The following AHCTF1 variants were observed in gnomAD, a reference collection of about 807,000 sequenced individuals.
AHCTF1 encodes AT-hook containing transcription factor 1, also known as protein ELYS.
In AHCTF1, 24 loss-of-function variants were observed where a neutral mutation model predicts 248.4. The ratio of observed to expected loss-of-function variants is 0.10; its 90% CI spans 0.07 to 0.14. AHCTF1 has a LOEUF of 0.14. AHCTF1 is among the 10% of genes least tolerant of loss of function. AHCTF1 has a pLI of 1.00. For synonymous variants in AHCTF1, 786 were observed against 929.8 expected (o/e 0.85, Z 2.81); for missense variants, 2,206 against 2,636.2 (o/e 0.84, Z 3.57).
chr1:246,916,474 A>T, intron 2 of AHCTF1, 79 bp from the exon 3 acceptor site: 4 of 1,265,538 alleles, frequency 3.2e-6, no homozygotes, highest in Non-Finnish European at 4.4e-6. Flanking sequence ...TTTACATACA[A>T]CTATATGTTC....
At chr1:246,906,393 C>T (rs1665393361) in intron 5 of AHCTF1, among the ~76,000 whole-genome samples, 3 of 151,518 alleles carry the variant, frequency 2.0e-5, no homozygotes, top group Admixed American at 1.3e-4. Context: ...GTCTGACCAA[C>T]AAGGTGAAAA....
intron 2 of AHCTF1, 62 bp from the exon 3 acceptor site, chr1:246,916,457 T>G: frequency 7.0e-7 from 1 of 1,427,296 alleles, no homozygotes; most frequent in Non-Finnish European, 9.6e-7. Flanking sequence ...CAATAACGGT[T>G]AGCTCATTTA....
At chr1:246,892,432 T>C (rs1461063520) in intron 14 of AHCTF1, among the ~76,000 whole-genome samples, 3 of 148,670 alleles carry the variant, frequency 2.0e-5, no homozygotes, top group African/African-American at 5.0e-5. Flanking sequence ...GGGATTCTCC[T>C]GCCTCAGGCT....
At chr1:246,904,581 G>A (rs1558265366) in intron 6 of AHCTF1, among the ~76,000 whole-genome samples, 1 of 152,174 alleles carries the variant, frequency 6.6e-6, no homozygotes, top group Non-Finnish European at 1.5e-5. Context: ...AAGGAGAACG[G>A]GCAGTTGGGG....
chr1:246,852,775 TG>T (rs1660807645), intron 32 of AHCTF1, among the ~76,000 whole-genome samples: 1 of 152,114 alleles, frequency 6.6e-6, no homozygotes, highest in Non-Finnish European at 1.5e-5. Context: ...ATTTTTTCCC[TG>T]AGACAGGATT....
At position 246,849,737 on chromosome 1, in the gene AHCTF1, A is replaced by G; in HGVS notation, c.6269T>C (p.Phe2090Ser). ...CCTGCTGCTGCGGGATGATTTAGTG[A>G]AGGAAGCTGTGGCGAGCAATCTTTC... ...QEERLLATAS[F>S]TKSSRSSRTR... is the part of the protein sequence containing the mutation. Residue 2090 changes from phenylalanine to serine, a missense_variant, in exon 33 of 36, where the codon TTC becomes TCC. Around this residue, in one of 6 missense-constraint regions of AHCTF1, gnomAD observed 469 missense variants for 470.0 expected, o/e 1.00. Coordinates refer to ENST00000648844, the MANE Select transcript of AHCTF1 (RefSeq NM_001323342.2). 1 of 1,613,952 alleles carries G rather than the reference A, an allele frequency of 6.2e-7. No individual in the cohort carries two copies. The highest frequency in any genetic ancestry group is 8.5e-7 in the Non-Finnish European group (1 of 1,179,856).
rs377630628 is a variant in AHCTF1 at position 246,919,557 on chromosome 1, C to T, written c.-7-1180G>A. Among the ~76,000 whole-genome samples the T allele has an allele frequency of 1.6e-3, 238 of 151,982 alleles. 1 individual carries two copies. The highest frequency in any genetic ancestry group is 5.2e-3 in the African/African-American group (216 of 41,464). ...TGAAAACCCGTCTCTACTAAAAATA[C>T]AAAAAATTAGCCAGGCATGGTGGCA... is the stretch of plus-strand genomic sequence containing the variant. On this transcript the variant is annotated intron_variant, in intron 1 of 35. Coordinates refer to ENST00000648844, the MANE Select transcript of AHCTF1 (RefSeq NM_001323342.2).
chr1:246,921,943 A>G (rs1335897738), intron 1 of AHCTF1, among the ~76,000 whole-genome samples: 1 of 152,220 alleles, frequency 6.6e-6, no homozygotes, highest in Non-Finnish European at 1.5e-5. Context: ...AAATCTAAAC[A>G]CTGACTACAC....
rs1211083487 is a variant in AHCTF1, at chr1:246,841,955, AT to A, written c.6608+738del. On this transcript the variant is annotated intron_variant, in intron 35 of 35. Transcript: ENST00000648844. ...AGGCACCCACCACCACGCCCAGCTA[AT>A]TTTTTTTTTTTTTTTTTTCAGTAGA... 1.6e-3 allele frequency among the ~76,000 whole-genome samples: 193 copies of A among 124,250 alleles called. 1 individual carries two copies. The highest frequency in any genetic ancestry group is 4.1e-3 in the Middle Eastern group (1 of 246). The allele number at this position is 124,250 out of a possible 152,430, so 81.5% of individuals were successfully genotyped here. A position where few individuals can be genotyped will look rare whatever the true frequency, so the allele number is the denominator to read the frequency against.
intron 21 of AHCTF1, among the ~76,000 whole-genome samples, chr1:246,879,476 ATT>A (rs1244554314): frequency 7.9e-5 from 12 of 152,192 alleles, no homozygotes; most frequent in African/African-American, 2.7e-4. Context: ...TCATCATAGC[ATT>A]GTTTAAAATG....
chr1:246,891,173 T>A, intron 15 of AHCTF1, 113 bp from the exon 16 acceptor site: 2 of 596,684 alleles, frequency 3.4e-6, no homozygotes, highest in Non-Finnish European at 5.6e-6. Context: ...ATATTTTACA[T>A]ATACATATTT....
intron 35 of AHCTF1, among the ~76,000 whole-genome samples, chr1:246,841,672 T>C (rs1183641320): frequency 6.6e-6 from 1 of 152,234 alleles, no homozygotes; most frequent in Non-Finnish European, 1.5e-5. Context: ...GTTACCTAAC[T>C]TTCCTGACAA....
intron 34 of AHCTF1, 139 bp downstream of exon 34, chr1:246,843,654 CTG>C: frequency 2.6e-6 from 2 of 760,886 alleles, no homozygotes; most frequent in Non-Finnish European, 3.4e-6. Flanking sequence ...GTATGCATGA[CTG>C]TTATCTTTAA....
intron 21 of AHCTF1, among the ~76,000 whole-genome samples, chr1:246,881,608 G>A (rs1032436353): frequency 2.0e-5 from 3 of 152,020 alleles, no homozygotes; most frequent in South Asian, 2.1e-4. Flanking sequence ...AGGCCGAGGC[G>A]GGCGGATCAC....
intron 35 of AHCTF1, 65 bp downstream of exon 35, chr1:246,842,629 G>A: frequency 1.7e-6 from 2 of 1,210,908 alleles, no homozygotes; most frequent in South Asian, 3.2e-5. Context: ...GAGGATAGTA[G>A]GGTGGGGACA....
At chr1:246,892,144 A>G (rs61854021) in intron 14 of AHCTF1, among the ~76,000 whole-genome samples, 42,742 of 151,930 alleles carry the variant, frequency 0.28, 6,144 homozygotes, top group East Asian at 0.36. Flanking sequence ...CAAATCATCT[A>G]TATCTAGAGC....
At chr1:246,871,741 T>C (rs370684422) in intron 24 of AHCTF1, among the ~76,000 whole-genome samples, 2 of 151,896 alleles carry the variant, frequency 1.3e-5, no homozygotes, top group African/African-American at 2.4e-5. Flanking sequence ...CTGCAGACTA[T>C]AAGGAGGTTA....
At position 246,890,032 on chromosome 1, in the gene AHCTF1, C is replaced by T; in HGVS notation, c.2078G>A (p.Cys693Tyr). 6.2e-7 allele frequency: 1 copy of T among 1,612,598 alleles called. No homozygotes were observed. The highest frequency in any genetic ancestry group is 8.5e-7 in the Non-Finnish European group (1 of 1,179,144). The change falls in exon 17 of 36, where the codon TGC becomes TAC. Residue 693 changes from cysteine (C) to tyrosine (Y), a missense_variant. Around this residue, in one of 6 missense-constraint regions of AHCTF1, gnomAD observed 650 missense variants for 870.8 expected, o/e 0.75. Coordinates refer to ENST00000648844, the MANE Select transcript of AHCTF1 (RefSeq NM_001323342.2). The part of the protein sequence containing the change: ...IDDSVQLSRL[C>Y]YNYPVIQNYY... Reference sequence around the variant, plus strand: ...GTTCTGAATTACAGGGTAGTTGTAGCATAACCTTGACAACTGCACAGAATC... The same window carrying T: ...GTTCTGAATTACAGGGTAGTTGTAGTATAACCTTGACAACTGCACAGAATC...
At chr1:246,870,724 A>C (rs747316822) in intron 24 of AHCTF1, among the ~76,000 whole-genome samples, 28 of 27,304 alleles carry the variant, frequency 1.0e-3, no homozygotes, top group African/African-American at 3.0e-3. Context: ...ATAAAACCTC[A>C]AAAAAAAAAA....
Sources: gnomAD v4.1 joint callset for allele counts (sites outside exome capture counted in the v4.1 genomes callset) on GRCh38, gnomAD v4.1.1 for gene constraint, gnomAD v4.1.1 regional missense constraint, MANE v1.5 for transcripts, NCBI Gene and HGNC (gene_info 2026-07-23, HGNC 2026-07-21) for gene names.